The following CELF2 variants were observed in gnomAD, a reference collection of about 807,000 sequenced individuals.
The protein encoded by CELF2 is CUG triplet repeat RNA-binding protein 2.
Under a neutral mutation model 62.6 loss-of-function variants are expected in CELF2, and 8 were observed. That is an observed-to-expected ratio of 0.13 (90% CI 0.07 to 0.23). The LOEUF (loss-of-function observed/expected upper bound fraction) is 0.23. Ranked by LOEUF, CELF2 falls within the 10% of genes least tolerant of loss-of-function variation. The pLI is 1.00. For missense variants in CELF2, 333 were observed against 671.0 expected (o/e 0.50, Z 5.56); for synonymous variants, 258 against 250.0 (o/e 1.03, Z -0.30).
At chr10:10,497,615 G>A in the CELF2 span, among the ~76,000 whole-genome samples, 7 of 152,262 alleles carry the variant, frequency 4.6e-5, no homozygotes, top group Non-Finnish European at 1.5e-5. Flanking sequence ...GGTGGCCAGG[G>A]GAGGAGGAGC....
At chr10:10,489,490 G>C in the CELF2 span, among the ~76,000 whole-genome samples, 2 of 152,036 alleles carry the variant, frequency 1.3e-5, no homozygotes, top group South Asian at 2.1e-4. Flanking sequence ...TCATTTCTTA[G>C]TGTTATTTAA....
intron 2 of CELF2, among the ~76,000 whole-genome samples, chr10:11,200,855 C>A (rs777420152): frequency 1.3e-5 from 2 of 152,160 alleles, no homozygotes; most frequent in African/African-American, 4.8e-5. Context: ...TGAGTCGCAC[C>A]GTACAAGTTG....
intron 3 of CELF2, among the ~76,000 whole-genome samples, chr10:11,239,277 G>A (rs987274188): frequency 2.6e-5 from 4 of 152,060 alleles, no homozygotes; most frequent in South Asian, 2.1e-4. Context: ...TAAATAGGTG[G>A]TATCTTTACA....
the CELF2 span, among the ~76,000 whole-genome samples, chr10:10,544,020 T>C: frequency 6.6e-6 from 1 of 152,178 alleles, no homozygotes; most frequent in East Asian, 1.9e-4. Context: ...CCTGAATCAA[T>C]TATGTCCCTA....
At chr10:11,131,925 A>G (rs2059688226) in intron 1 of CELF2, among the ~76,000 whole-genome samples, 1 of 152,148 alleles carries the variant, frequency 6.6e-6, no homozygotes, top group African/African-American at 2.4e-5. Context: ...CATAGAGAAA[A>G]CTCATAGCAG....
intron 1 of CELF2, among the ~76,000 whole-genome samples, chr10:11,070,414 C>T (rs1333136632): frequency 6.6e-6 from 1 of 152,138 alleles, no homozygotes; most frequent in African/African-American, 2.4e-5. Flanking sequence ...GGGAAGCCAT[C>T]TAAGGGAATT....
At chr10:11,185,185 T>G (rs2074522526) in intron 2 of CELF2, among the ~76,000 whole-genome samples, 1 of 151,956 alleles carries the variant, frequency 6.6e-6, no homozygotes, top group Non-Finnish European at 1.5e-5. Context: ...TTTTTGTGTG[T>G]TTTTTTTAAG....
At chr10:10,805,315 T>C (rs11256840) in intron 1 of CELF2, among the ~76,000 whole-genome samples, 17,830 of 152,204 alleles carry the variant, frequency 0.12, 1,410 homozygotes, top group East Asian at 0.34. Flanking sequence ...ATCTAGTTAC[T>C]ACTTTTTCTT....
Position 10,800,072 on chromosome 10 carries a change from A to G in CELF2, c.53+1255A>G, listed in dbSNP as rs898480566. The stretch of plus-strand genomic sequence containing the variant: ...TTTGCTAAGTTTTTATTTCCTATTC[A>G]TGACTCTGTCTTCATGTTTGTCTGA... On this transcript the variant is annotated intron_variant, in intron 1 of 13. Transcript: ENST00000636488. Among the ~76,000 whole-genome samples, 5 of 73,632 alleles carry G rather than the reference A, an allele frequency of 6.8e-5. No homozygotes were observed. The East Asian group carries it at 2.6e-3, about 38-fold the overall frequency. The allele number at this position is 73,632 out of a possible 152,430, so 48.3% of individuals were successfully genotyped here.
the CELF2 span, among the ~76,000 whole-genome samples, chr10:10,677,395 G>C: frequency 6.6e-6 from 1 of 152,208 alleles, no homozygotes; most frequent in African/African-American, 2.4e-5. Flanking sequence ...GGTAGAAGCA[G>C]TTCTGACTGT....
the CELF2 span, among the ~76,000 whole-genome samples, chr10:10,552,483 C>T: frequency 3.3e-5 from 5 of 152,164 alleles, no homozygotes. Context: ...TTTAGTACCT[C>T]CTGTGGGTGG....
At chr10:10,483,306 C>G in the CELF2 span, among the ~76,000 whole-genome samples, 2 of 150,884 alleles carry the variant, frequency 1.3e-5, no homozygotes, top group African/African-American at 4.9e-5. Flanking sequence ...CATGGGATGA[C>G]CTCTCCAAAT....
intron 1 of CELF2, among the ~76,000 whole-genome samples, chr10:10,871,092 C>G (rs1297283099): frequency 6.6e-6 from 1 of 152,108 alleles, no homozygotes; most frequent in Non-Finnish European, 1.5e-5. Context: ...CCTGGGAGGA[C>G]TAAAGGTGGC....
At chr10:10,779,525 C>T in the CELF2 span, among the ~76,000 whole-genome samples, 4 of 152,210 alleles carry the variant, frequency 2.6e-5, no homozygotes, top group African/African-American at 7.2e-5. Context: ...TCTTCTGGCT[C>T]CGTCTCCCTC....
At chr10:10,496,508 T>C in the CELF2 span, among the ~76,000 whole-genome samples, 131,148 of 152,090 alleles carry the variant, frequency 0.86, 57,498 homozygotes, top group Non-Finnish European at 0.94. Flanking sequence ...GAACCTGGCA[T>C]ACAATAGGTG....
At chr10:10,909,048 C>T (rs2063584392) in intron 1 of CELF2, among the ~76,000 whole-genome samples, 3 of 152,214 alleles carry the variant, frequency 2.0e-5, no homozygotes, top group Admixed American at 2.0e-4. Flanking sequence ...CCTCAGCCTC[C>T]CAAAGTGCTA....
the CELF2 span, among the ~76,000 whole-genome samples, chr10:10,721,861 C>T: frequency 2.0e-5 from 3 of 152,186 alleles, no homozygotes; most frequent in African/African-American, 7.2e-5. Flanking sequence ...CAGAGCCTGG[C>T]ATGTGCAATG....
chr10:10,693,722 T>C, the CELF2 span, among the ~76,000 whole-genome samples: 1 of 151,608 alleles, frequency 6.6e-6, no homozygotes, highest in Non-Finnish European at 1.5e-5. Flanking sequence ...ATTCAACTTC[T>C]TCCTGGTTTA....
rs1381227904 is a variant in CELF2 at position 11,302,239 on chromosome 10, T to C, written c.977-11900T>C. ...CTCCCTGCAGCCTCTCACCTTCTCA[T>C]GCCTCAGAATCAAGTTTTCACCCAG... is the stretch of plus-strand genomic sequence containing the variant. On this transcript the variant is annotated intron_variant, in intron 9 of 12. Transcript: ENST00000633077. The surrounding 1 kb of genome is among the most constrained non-coding windows in gnomAD (Gnocchi z 5.0). Among the ~76,000 whole-genome samples, 1 of 152,198 alleles carries C rather than the reference T, an allele frequency of 6.6e-6. No homozygotes were observed. The highest frequency in any genetic ancestry group is 1.9e-4 in the East Asian group (1 of 5,190).
Sources: gnomAD v4.1 joint callset for allele counts (sites outside exome capture counted in the v4.1 genomes callset) on GRCh38, gnomAD v4.1.1 for gene constraint, Gnocchi (gnomAD v3.1) non-coding constraint, MANE v1.5 for transcripts, NCBI Gene and HGNC (gene_info 2026-07-23, HGNC 2026-07-21) for gene names.